The following ZCWPW2 variants were observed in gnomAD, a reference collection of about 807,000 sequenced individuals.
ZCWPW2 encodes zinc finger CW-type PWWP domain protein 2.
Under a neutral mutation model 46.6 loss-of-function variants are expected in ZCWPW2, and 45 were observed. The observed-to-expected ratio is 0.96, with a 90% confidence interval of 0.76 to 1.24. The LOEUF (loss-of-function observed/expected upper bound fraction) is 1.24. ZCWPW2 is among the 50% of genes most tolerant of loss of function. ZCWPW2 has a pLI of 0.00. For missense variants in ZCWPW2, 429 were observed against 403.9 expected (o/e 1.06, Z -0.53); for synonymous variants, 152 against 137.1 (o/e 1.11, Z -0.76).
intron 4 of ZCWPW2, among the ~76,000 whole-genome samples, chr3:28,474,368 A>G (rs541844087): frequency 6.6e-6 from 1 of 152,264 alleles, no homozygotes; most frequent in South Asian, 2.1e-4. Context: ...CTTGGAACTT[A>G]TCTTTCAGTA....
At chr3:28,448,503 G>C (rs529942388) in intron 4 of ZCWPW2, among the ~76,000 whole-genome samples, 6 of 151,742 alleles carry the variant, frequency 4.0e-5, no homozygotes, top group African/African-American at 1.5e-4. Context: ...TGTCAATACC[G>C]GCCAGATGTG....
Position 28,349,212 on chromosome 3 carries a change from G to T in ZCWPW2, c.-134+9G>T, listed in dbSNP as rs983343220. 2.0e-6 allele frequency: 2 copies of T among 985,170 alleles called. No individual in the cohort carries two copies. Among genetic ancestry groups the T allele is most frequent in the Non-Finnish European group, 2.4e-6 (2 of 829,810 alleles). The allele number at this position is 985,170 out of a possible 1,614,324, so 61.0% of individuals were successfully genotyped here. A position where few individuals can be genotyped will look rare whatever the true frequency, so the allele number is the denominator to read the frequency against. The stretch of plus-strand genomic sequence containing the variant: ...AGGCGGAGTGGAGTTAGGTAAGAGC[G>T]TTACCAGCCGTCTTGTCTGTTGGGC... On this transcript the variant is annotated intron_variant, in intron 1 of 9. Transcript: ENST00000383768.
intron 5 of ZCWPW2, among the ~76,000 whole-genome samples, chr3:28,483,977 A>G (rs1056657805): frequency 6.6e-6 from 1 of 151,994 alleles, no homozygotes; most frequent in East Asian, 1.9e-4. Context: ...ATTTTCATTT[A>G]TTGTCTTACT....
At chr3:28,501,289 G>A (rs1327360621) in intron 6 of ZCWPW2, among the ~76,000 whole-genome samples, 1 of 152,132 alleles carries the variant, frequency 6.6e-6, no homozygotes, top group Admixed American at 6.6e-5. Flanking sequence ...TCCTTGTGTG[G>A]CTTAAAGCAG....
intron 4 of ZCWPW2, among the ~76,000 whole-genome samples, chr3:28,443,628 C>T (rs1332708937): frequency 6.6e-6 from 1 of 152,212 alleles, no homozygotes; most frequent in East Asian, 1.9e-4. Context: ...CTGTCCATTA[C>T]AGTAGCTATG....
At chr3:28,380,047 A>G (rs1210479732) in intron 1 of ZCWPW2, among the ~76,000 whole-genome samples, 2 of 152,140 alleles carry the variant, frequency 1.3e-5, no homozygotes, top group East Asian at 1.9e-4. Context: ...CAGTGGCGTC[A>G]TCTCGGCTCA....
intron 1 of ZCWPW2, 60 bp downstream of exon 1, chr3:28,349,263 C>G (rs6808125): frequency 2.8e-5 from 26 of 944,472 alleles, no homozygotes; most frequent in African/African-American, 3.5e-5. Flanking sequence ...GGGGCGCCCT[C>G]TGGTGCGTCT....
At chr3:28,368,564 C>G (rs1419928029) in intron 1 of ZCWPW2, among the ~76,000 whole-genome samples, 1 of 152,112 alleles carries the variant, frequency 6.6e-6, no homozygotes, top group African/African-American at 2.4e-5. Context: ...GTGGGTAACC[C>G]GACCTTTCTC....
At chr3:28,424,431 A>G (rs906203032) in intron 3 of ZCWPW2, among the ~76,000 whole-genome samples, 1 of 152,174 alleles carries the variant, frequency 6.6e-6, no homozygotes, top group Non-Finnish European at 1.5e-5. Context: ...ATTAAGTGAA[A>G]ATGAGATCAA....
intron 1 of ZCWPW2, among the ~76,000 whole-genome samples, chr3:28,358,525 G>A (rs2125691113): frequency 6.6e-6 from 1 of 152,162 alleles, no homozygotes; most frequent in Admixed American, 6.5e-5. Flanking sequence ...TATGAATCTG[G>A]TTCTCACATG....
At chr3:28,436,837 C>G (rs892182110) in intron 4 of ZCWPW2, among the ~76,000 whole-genome samples, 34 of 152,110 alleles carry the variant, frequency 2.2e-4, no homozygotes, top group Non-Finnish European at 2.1e-4. Flanking sequence ...ATAGAATATT[C>G]CATCTTGGCC....
In ZCWPW2 at chr3:28,365,960, A is replaced by T. The variant is rs565061704; in HGVS notation, c.-134+16757A>T. ...TTGACTCTCTGTCTGTTATTGGTGT[A>T]TAAGAATGCTTGTGATTTTTGCACA... On this transcript the variant is annotated intron_variant, in intron 1 of 9. Coordinates refer to ENST00000383768, the MANE Select transcript of ZCWPW2 (RefSeq NM_001040432.4). 5.5e-4 allele frequency among the ~76,000 whole-genome samples: 80 copies of T among 144,206 alleles called. 6 individuals carry two copies. The highest frequency in any genetic ancestry group is 3.5e-3 in the Middle Eastern group (1 of 284). 94.6% of individuals were successfully genotyped at this position (144,206 alleles called of 152,430 possible). A position where few individuals can be genotyped will look rare whatever the true frequency, so the allele number is the denominator to read the frequency against.
At chr3:28,503,873 T>C (rs1700211516) in intron 6 of ZCWPW2, among the ~76,000 whole-genome samples, 1 of 152,072 alleles carries the variant, frequency 6.6e-6, no homozygotes, top group Admixed American at 6.6e-5. Context: ...GATTTTGAGA[T>C]GCTATTTGTC....
At chr3:28,369,674 T>C (rs549343748) in intron 1 of ZCWPW2, among the ~76,000 whole-genome samples, 2 of 152,176 alleles carry the variant, frequency 1.3e-5, no homozygotes, top group African/African-American at 2.4e-5. Flanking sequence ...ACCACTACTC[T>C]CTTCAAAGCT....
At chr3:28,515,184 A>G (rs1430699400) in intron 7 of ZCWPW2, among the ~76,000 whole-genome samples, 1 of 152,188 alleles carries the variant, frequency 6.6e-6, no homozygotes, top group African/African-American at 2.4e-5. Context: ...GAGAGAGTTT[A>G]GTTCTACCAT....
Position 28,392,385 on chromosome 3 carries a change from C to T in ZCWPW2, c.-14+1768C>T, listed in dbSNP as rs1233634830. Among the ~76,000 whole-genome samples the T allele has an allele frequency of 2.0e-5, 3 of 152,268 alleles. No homozygotes were observed. The East Asian group carries it at 5.8e-4, about 29-fold the overall frequency. ...ATAGTAGTAGGGAATTTCAGTACCCCACTTTCAACAAGGGAGAGATCATTC... is the reference window on the plus strand; with the variant it reads ...ATAGTAGTAGGGAATTTCAGTACCCTACTTTCAACAAGGGAGAGATCATTC... On this transcript the variant is annotated intron_variant, in intron 2 of 9. Transcript: ENST00000383768.
intron 4 of ZCWPW2, among the ~76,000 whole-genome samples, chr3:28,477,141 A>G (rs1224648174): frequency 3.9e-5 from 6 of 152,326 alleles, no homozygotes; most frequent in Non-Finnish European, 4.4e-5. Flanking sequence ...CTAATTTAAT[A>G]TTATAACATT....
intron 1 of ZCWPW2, among the ~76,000 whole-genome samples, chr3:28,380,878 T>G (rs1695024291): frequency 7.0e-6 from 1 of 143,326 alleles, no homozygotes; most frequent in African/African-American, 2.6e-5. Context: ...CCTAATAATG[T>G]GCTATGTTTA....
intron 4 of ZCWPW2, among the ~76,000 whole-genome samples, chr3:28,453,135 T>G (rs549159747): frequency 1.5e-4 from 23 of 152,328 alleles, no homozygotes; most frequent in Non-Finnish European, 2.6e-4. Context: ...TCCAGCATAC[T>G]TTGGATTTGT....
Sources: allele counts gnomAD v4.1 joint callset (sites outside exome capture counted in the v4.1 genomes callset), GRCh38; gene constraint gnomAD v4.1.1; transcripts MANE v1.5; gene names NCBI Gene and HGNC (gene_info 2026-07-23, HGNC 2026-07-21).